The following ANO1 variants were observed in gnomAD, a reference collection of about 807,000 sequenced individuals.
ANO1 encodes the protein anoctamin 1, also known as anoctamin-1.
A neutral mutation model predicts 124.0 loss-of-function variants in ANO1; 59 were observed. The ratio of observed to expected loss-of-function variants is 0.48; its 90% CI spans 0.39 to 0.59. The LOEUF is 0.59. Ranked by LOEUF, ANO1 falls within the 20% of genes least tolerant of loss-of-function variation. The pLI, the probability that ANO1 is intolerant of heterozygous loss-of-function variation, is 0.00. For missense variants in ANO1, 1,059 were observed against 1,328.0 expected, an observed-to-expected ratio of 0.80 and a Z score of 3.15; for synonymous variants, 529 against 532.0, an observed-to-expected ratio of 0.99 and a Z score of 0.08.
the ANO1 span, among the ~76,000 whole-genome samples, chr11:69,975,333 C>T: frequency 6.6e-6 from 1 of 152,240 alleles, no homozygotes; most frequent in Admixed American, 6.5e-5. Flanking sequence ...TGGTGCTGGA[C>T]AGCCCCCCTC....
At chr11:70,004,119 C>A (rs1193991174) in intron 1 of ANO1, among the ~76,000 whole-genome samples, 2 of 152,194 alleles carry the variant, frequency 1.3e-5, no homozygotes, top group African/African-American at 2.4e-5. Context: ...GCCCCCAAAG[C>A]CCCAGGTCCT....
intron 12 of ANO1, 93 bp from the exon 13 acceptor site, chr11:70,152,357 A>AAATTTTT: frequency 3.3e-6 from 3 of 922,374 alleles, no homozygotes; most frequent in Non-Finnish European, 3.3e-6. Flanking sequence ...AAAAAAAAAA[A>AAATTTTT]GTTGTCCTTA....
chr11:70,046,742 C>A (rs1188014098), intron 1 of ANO1, among the ~76,000 whole-genome samples: 5 of 151,784 alleles, frequency 3.3e-5, no homozygotes, highest in African/African-American at 1.2e-4. Context: ...ATTTGGGCAT[C>A]AAAAAGAATA....
chr11:70,170,522 G>T (rs1415163481), intron 21 of ANO1, among the ~76,000 whole-genome samples: 1 of 152,212 alleles, frequency 6.6e-6, no homozygotes, highest in Non-Finnish European at 1.5e-5. Context: ...AGCCTGGGAG[G>T]TCAAGGCTGC....
At chr11:70,164,987 C>T (rs914377016) in intron 19 of ANO1, among the ~76,000 whole-genome samples, 2 of 152,184 alleles carry the variant, frequency 1.3e-5, no homozygotes, top group Non-Finnish European at 2.9e-5. Context: ...AACTCGATCC[C>T]ACAGACTTAA....
At chr11:70,095,659 T>C (rs1032279658) in intron 2 of ANO1, among the ~76,000 whole-genome samples, 6 of 152,198 alleles carry the variant, frequency 3.9e-5, no homozygotes, top group Non-Finnish European at 2.9e-5. Context: ...TTGTTACCCG[T>C]TGCTGGCTTG....
intron 1 of ANO1, among the ~76,000 whole-genome samples, chr11:70,038,771 A>G (rs781805075): frequency 6.6e-6 from 1 of 152,212 alleles, no homozygotes; most frequent in Non-Finnish European, 1.5e-5. Flanking sequence ...GACCTCGTGC[A>G]TGAGCCAAGG....
upstream of ANO1, among the ~76,000 whole-genome samples, chr11:69,981,297 G>A (rs556726349): frequency 6.6e-6 from 1 of 152,318 alleles, no homozygotes; most frequent in South Asian, 2.1e-4. Flanking sequence ...CCTTGGGCAA[G>A]TCACTTCACC....
intron 1 of ANO1, among the ~76,000 whole-genome samples, chr11:70,021,525 G>A (rs1165841404): frequency 6.6e-6 from 1 of 151,754 alleles, no homozygotes; most frequent in Non-Finnish European, 1.5e-5. Flanking sequence ...AAACAGAATG[G>A]AAAATAAAGT....
At chr11:70,049,083 A>G (rs1371211652) in intron 1 of ANO1, among the ~76,000 whole-genome samples, 4 of 152,124 alleles carry the variant, frequency 2.6e-5, no homozygotes, top group Non-Finnish European at 5.9e-5. Flanking sequence ...CTGGTGGCTT[A>G]TGAGAGGAGC....
At chr11:69,992,796 C>A (rs932381352) in intron 1 of ANO1, among the ~76,000 whole-genome samples, 1 of 152,212 alleles carries the variant, frequency 6.6e-6, no homozygotes, top group Non-Finnish European at 1.5e-5. Context: ...CCCTCGTCAA[C>A]GTCTATCATG....
At chr11:70,168,494 G>A (rs77708297) in intron 21 of ANO1, among the ~76,000 whole-genome samples, 16,034 of 151,694 alleles carry the variant, frequency 0.11, 973 homozygotes, top group Middle Eastern at 0.16. Flanking sequence ...GTCTCCCCCC[G>A]GTAGGACGGC....
chr11:70,111,756 G>A lies in ANO1; in HGVS notation c.849G>A (p.Leu283=), dbSNP rs772384679. Reference sequence around the variant, plus strand: ...GTGTGTACGCGGCTGCATACCCACTGCACGATGTAAGTAACCTTGACACAC... The same window carrying A: ...GTGTGTACGCGGCTGCATACCCACTACACGATGTAAGTAACCTTGACACAC... ...ANGVYAAAYP[L]HDGDYNGENV... The change falls in exon 7 of 26, where the codon CTG becomes CTA. Residue 283 remains leucine, a synonymous_variant. Transcript: ENST00000355303. 2 of 1,614,006 alleles carry A rather than the reference G, an allele frequency of 1.2e-6. No homozygotes were observed. The highest frequency in any genetic ancestry group is 2.2e-5 in the South Asian group (2 of 91,086).
intron 23 of ANO1, among the ~76,000 whole-genome samples, chr11:70,180,684 G>C (rs2048896556): frequency 6.6e-6 from 1 of 152,142 alleles, no homozygotes; most frequent in South Asian, 2.1e-4. Flanking sequence ...AGATAGGAGG[G>C]AAGACAGAGA....
intron 1 of ANO1, among the ~76,000 whole-genome samples, chr11:70,061,590 T>A (rs1157875659): frequency 6.6e-6 from 1 of 152,012 alleles, no homozygotes; most frequent in Non-Finnish European, 1.5e-5. Context: ...TCAAGTCCTG[T>A]CTGCCTTGGT....
chr11:70,010,534 G>A (rs1225135517), intron 1 of ANO1, among the ~76,000 whole-genome samples: 1 of 151,984 alleles, frequency 6.6e-6, no homozygotes, highest in African/African-American at 2.4e-5. Context: ...AGGCTTGAGG[G>A]ACTAACCATA....
At chr11:70,096,864 AAATAAT>A (rs746050611) in intron 2 of ANO1, among the ~76,000 whole-genome samples, 2 of 151,360 alleles carry the variant, frequency 1.3e-5, no homozygotes, top group Non-Finnish European at 2.9e-5. Flanking sequence ...CTGTCTCAAA[AAATAAT>A]AATAATAATA....
intron 9 of ANO1, 150 bp from the exon 10 acceptor site, chr11:70,125,911 G>A: frequency 1.2e-6 from 1 of 868,352 alleles, no homozygotes; most frequent in Non-Finnish European, 1.7e-6. Context: ...CCAACCTGAT[G>A]GGGCGGCCCA....
Position 70,155,110 on chromosome 11 carries a change from C to T in ANO1, c.1426-801C>T, listed in dbSNP as rs151264768. ...ACAGCCCACCCTGTAGTTGTGTGGT[C>T]GCACCTCTTGCAGTGAGCATAGGTG... On this transcript the variant is annotated intron_variant, in intron 14 of 25. Transcript: ENST00000355303. 2.2e-3 allele frequency among the ~76,000 whole-genome samples: 337 copies of T among 152,332 alleles called. 1 individual carries two copies. The highest frequency in any genetic ancestry group is 7.9e-3 in the African/African-American group (327 of 41,592).
Sources: allele counts gnomAD v4.1 joint callset (sites outside exome capture counted in the v4.1 genomes callset), GRCh38; gene constraint gnomAD v4.1.1; transcripts MANE v1.5; gene names NCBI Gene and HGNC (gene_info 2026-07-23, HGNC 2026-07-21).